CDH13: variants seen among roughly 807,000 people sequenced by gnomAD.
CDH13 encodes cadherin-13.
A neutral mutation model predicts 63.8 loss-of-function variants in CDH13; 24 were observed. The ratio of observed to expected loss-of-function variants is 0.38; its 90% CI spans 0.27 to 0.53. CDH13 has a LOEUF of 0.53. CDH13 is among the 20% of genes least tolerant of loss of function. CDH13 has a pLI of 0.85. For missense variants in CDH13, 1,049 were observed against 903.1 expected (o/e 1.16, Z -2.07); for synonymous variants, 503 against 355.3 (o/e 1.42, Z -4.67).
At chr16:83,259,277 C>T (rs566744659) in intron 5 of CDH13, among the ~76,000 whole-genome samples, 6 of 152,288 alleles carry the variant, frequency 3.9e-5, no homozygotes, top group Admixed American at 3.3e-4. Context: ...CTGGTATCCA[C>T]GTCATTGAAT....
intron 7 of CDH13, among the ~76,000 whole-genome samples, chr16:83,521,867 C>G (rs181415104): frequency 6.6e-6 from 1 of 152,282 alleles, no homozygotes; most frequent in East Asian, 1.9e-4. Context: ...AATAACTTCA[C>G]CTATAATACA....
At chr16:82,772,145 C>T (rs1220879126) in intron 1 of CDH13, among the ~76,000 whole-genome samples, 2 of 152,156 alleles carry the variant, frequency 1.3e-5, no homozygotes, top group African/African-American at 4.8e-5. Context: ...ATTTTGCAAT[C>T]TGGTTGACCC....
chr16:83,307,267 A>G (rs2089902701), intron 5 of CDH13, among the ~76,000 whole-genome samples: 1 of 152,174 alleles, frequency 6.6e-6, no homozygotes, highest in Non-Finnish European at 1.5e-5. Flanking sequence ...TGGAAAGCAC[A>G]CATCTGAGAT....
At chr16:83,658,756 C>A (rs1913137994) in intron 8 of CDH13, among the ~76,000 whole-genome samples, 1 of 147,394 alleles carries the variant, frequency 6.8e-6, no homozygotes. Context: ...TCCTCACCAG[C>A]AAGGTCCCAT....
intron 2 of CDH13, among the ~76,000 whole-genome samples, chr16:82,912,453 C>T (rs533401958): frequency 6.6e-6 from 1 of 152,222 alleles, no homozygotes; most frequent in South Asian, 2.1e-4. Flanking sequence ...GCCCTTCCCC[C>T]AGATGACTGG....
chr16:82,925,531 C>T lies in CDH13; in HGVS notation c.157+67058C>T, dbSNP rs571752831. The stretch of plus-strand genomic sequence containing the variant: ...GCTAGAACAGGTCATGCACTAGCTG[C>T]AGAGGAGGTTGACAAAGTGAGTATT... On this transcript the variant is annotated intron_variant, in intron 2 of 13. Coordinates refer to ENST00000567109, the MANE Select transcript of CDH13 (RefSeq NM_001257.5). Among the ~76,000 whole-genome samples, 6 of 152,310 alleles carry T rather than the reference C, an allele frequency of 3.9e-5. No individual in the cohort carries two copies. The East Asian group carries it at 9.7e-4, about 25-fold the overall frequency.
At chr16:83,432,693 T>C (rs2072157676) in intron 6 of CDH13, among the ~76,000 whole-genome samples, 1 of 152,110 alleles carries the variant, frequency 6.6e-6, no homozygotes, top group African/African-American at 2.4e-5. Flanking sequence ...GTCATGAGCT[T>C]CCCCAAAGGG....
At chr16:83,656,469 G>T (rs960073983) in intron 8 of CDH13, among the ~76,000 whole-genome samples, 1 of 152,134 alleles carries the variant, frequency 6.6e-6, no homozygotes, top group African/African-American at 2.4e-5. Context: ...TCCAGGGTTG[G>T]GGGTGTGAGT....
At chr16:83,261,191 C>A (rs894597024) in intron 5 of CDH13, among the ~76,000 whole-genome samples, 1 of 152,098 alleles carries the variant, frequency 6.6e-6, no homozygotes, top group Non-Finnish European at 1.5e-5. Context: ...GGCGTGCATG[C>A]GGAGTGGGCA....
chr16:82,631,032 A>C (rs1164337547), intron 1 of CDH13, among the ~76,000 whole-genome samples: 1 of 152,198 alleles, frequency 6.6e-6, no homozygotes, highest in Admixed American at 6.5e-5. Flanking sequence ...CCCAAATGAG[A>C]AATCCTGCCA....
chr16:83,294,833 C>A (rs968527618), intron 5 of CDH13, among the ~76,000 whole-genome samples: 3 of 152,018 alleles, frequency 2.0e-5, no homozygotes, highest in South Asian at 4.1e-4. Flanking sequence ...TCAACATAAT[C>A]TATATTAAAA....
chr16:83,117,421 G>A (rs1190715922), intron 3 of CDH13, among the ~76,000 whole-genome samples: 3 of 152,018 alleles, frequency 2.0e-5, no homozygotes, highest in East Asian at 1.9e-4. Context: ...TCGGTGGACC[G>A]CTTCTTGCCT....
intron 4 of CDH13, among the ~76,000 whole-genome samples, chr16:83,160,488 AT>A (rs1207637575): frequency 2.0e-5 from 3 of 152,194 alleles, no homozygotes; most frequent in Non-Finnish European, 4.4e-5. Flanking sequence ...GCAATTCTGC[AT>A]TTTTGTGAAT....
Position 83,157,997 on chromosome 16 carries a change from C to A in CDH13, c.483+32496C>A, listed in dbSNP as rs537224755. ...TGTTCTAGAAAAGAGCACTAGCAGC[C>A]CCCAACCAATGCATGCCGTGAACTC... On this transcript the variant is annotated intron_variant, in intron 4 of 13. Coordinates refer to ENST00000567109, the MANE Select transcript of CDH13 (RefSeq NM_001257.5). Among the ~76,000 whole-genome samples the A allele has an allele frequency of 3.9e-5, 6 of 152,166 alleles. No homozygotes were observed. The South Asian group carries it at 1.2e-3, about 32-fold the overall frequency.
Position 83,171,376 on chromosome 16 carries a change from C to T in CDH13, c.483+45875C>T, listed in dbSNP as rs1032850791. 12 of 687,384 alleles carry T rather than the reference C, an allele frequency of 1.7e-5. No individual in the cohort carries two copies. The African/African-American group carries it at 2.1e-4, about 12-fold the overall frequency. The allele number at this position is 687,384 out of a possible 1,614,324, so 42.6% of individuals were successfully genotyped here. ...GCACCCCCATGATCCAGTCACCTGC[C>T]ACCAGGCCCCACCTCCAACATGGGG... On this transcript the variant is annotated intron_variant, in intron 4 of 13. Coordinates refer to ENST00000567109, the MANE Select transcript of CDH13 (RefSeq NM_001257.5).
intron 10 of CDH13, among the ~76,000 whole-genome samples, chr16:83,713,556 G>C (rs1257128562): frequency 6.6e-6 from 1 of 151,940 alleles, no homozygotes; most frequent in Non-Finnish European, 1.5e-5. Flanking sequence ...AAAAAGACGT[G>C]TTTCTTTAAC....
At chr16:83,773,852 C>A (rs1914925651) in intron 11 of CDH13, among the ~76,000 whole-genome samples, 1 of 152,204 alleles carries the variant, frequency 6.6e-6, no homozygotes, top group South Asian at 2.1e-4. Context: ...AGTCATGAGG[C>A]TCTAAACCAC....
chr16:82,973,493 G>T lies in CDH13; in HGVS notation c.158-58517G>T, dbSNP rs543343299. On this transcript the variant is annotated intron_variant, in intron 2 of 13. Coordinates refer to ENST00000567109, the MANE Select transcript of CDH13 (RefSeq NM_001257.5). ...CATATTAGGCACCTACTGTGAGGCA[G>T]GCATTGTGCTGCTCTTGAAAGATAC... Among the ~76,000 whole-genome samples, 11 of 152,286 alleles carry T rather than the reference G, an allele frequency of 7.2e-5. No individual in the cohort carries two copies. In the South Asian group the frequency reaches 2.3e-3, roughly 32 times the overall value.
chr16:83,503,330 A>T lies in CDH13; in HGVS notation c.960+16675A>T, dbSNP rs557093988. On this transcript the variant is annotated intron_variant, in intron 7 of 13. Coordinates refer to ENST00000567109, the MANE Select transcript of CDH13 (RefSeq NM_001257.5). ...CTGATTAGGAAAGCCTTGAGTTTGT[A>T]CCCAAATAAATTTGCTAATACTTTT... is the stretch of plus-strand genomic sequence containing the variant. Among the ~76,000 whole-genome samples the T allele has an allele frequency of 1.1e-3, 167 of 152,310 alleles. 3 individuals carry two copies. Among genetic ancestry groups the T allele is most frequent in the African/African-American group, 3.8e-3 (159 of 41,574 alleles).
Sources: gnomAD v4.1 joint callset for allele counts (sites outside exome capture counted in the v4.1 genomes callset) on GRCh38, gnomAD v4.1.1 for gene constraint, MANE v1.5 for transcripts, NCBI Gene and HGNC (gene_info 2026-07-23, HGNC 2026-07-21) for gene names.